The following TMEM117 variants were observed in gnomAD, a reference collection of about 807,000 sequenced individuals.
TMEM117 encodes transmembrane protein 117.
A neutral mutation model predicts 52.4 loss-of-function variants in TMEM117; 27 were observed. The observed-to-expected ratio is 0.51, with a 90% CI of 0.38 to 0.71. The LOEUF (loss-of-function observed/expected upper bound fraction) is 0.71, where lower values mean the gene tolerates loss of function less well. TMEM117 is among the 30% of genes least tolerant of loss of function. The pLI, the probability that TMEM117 is intolerant of heterozygous loss-of-function variation, is 0.00. For missense variants in TMEM117, 556 were observed against 630.5 expected (o/e 0.88, Z 1.26); for synonymous variants, 215 against 206.3 (o/e 1.04, Z -0.36).
chr12:44,286,099 TGTAAGAAA>T (rs2138608359), intron 5 of TMEM117, among the ~76,000 whole-genome samples: 1 of 152,254 alleles, frequency 6.6e-6, no homozygotes, highest in Admixed American at 6.5e-5. Flanking sequence ...TTTATTTTTC[TGTAAGAAA>T]CTGATACATT....
At chr12:44,351,875 G>A (rs1951566733) in intron 6 of TMEM117, among the ~76,000 whole-genome samples, 1 of 151,768 alleles carries the variant, frequency 6.6e-6, no homozygotes, top group Non-Finnish European at 1.5e-5. Flanking sequence ...AAACTGAAAT[G>A]CTTCCGGGAT....
rs142493484 is a variant in TMEM117, at chr12:43,840,733, A to G, written c.-28-3891A>G. On this transcript the variant is annotated intron_variant, in intron 1 of 7. Coordinates refer to ENST00000266534, the MANE Select transcript of TMEM117 (RefSeq NM_032256.3). ...AGGGAGACAAACACATACATAGATA[A>G]TTTCACTATAGTGAGCCAGGAGCTA... Among the ~76,000 whole-genome samples, 14 of 152,310 alleles carry G rather than the reference A, an allele frequency of 9.2e-5. No homozygotes were observed. The East Asian group carries it at 2.7e-3, about 29-fold the overall frequency.
intron 5 of TMEM117, among the ~76,000 whole-genome samples, chr12:44,240,177 A>G (rs1950044269): frequency 6.6e-6 from 1 of 152,140 alleles, no homozygotes; most frequent in Non-Finnish European, 1.5e-5. Context: ...TGCATGATTT[A>G]TAGATTCCCA....
chr12:43,827,785 T>G, the TMEM117 span, among the ~76,000 whole-genome samples: 2 of 152,150 alleles, frequency 1.3e-5, no homozygotes, highest in East Asian at 3.9e-4. Flanking sequence ...GTGATCTTAT[T>G]TGGAAATAGA....
chr12:44,033,042 C>A (rs1165234188), intron 3 of TMEM117, among the ~76,000 whole-genome samples: 2 of 152,058 alleles, frequency 1.3e-5, no homozygotes, highest in Non-Finnish European at 2.9e-5. Context: ...AAGGTTGGCA[C>A]AAAATACAGG....
At chr12:44,312,308 A>T (rs1470915296) in intron 6 of TMEM117, among the ~76,000 whole-genome samples, 1 of 151,870 alleles carries the variant, frequency 6.6e-6, no homozygotes, top group Non-Finnish European at 1.5e-5. Context: ...TGCCATCTTT[A>T]TGTTCATATG....
intron 1 of TMEM117, among the ~76,000 whole-genome samples, chr12:43,843,786 C>G (rs1424426722): frequency 6.6e-6 from 1 of 152,200 alleles, no homozygotes; most frequent in South Asian, 2.1e-4. Context: ...GGCTACTACT[C>G]TACTGTAGAC....
In TMEM117 at chr12:44,044,744, G is replaced by A. The variant is rs182895771; in HGVS notation, c.411-98781G>A. On this transcript the variant is annotated intron_variant, in intron 3 of 7. Coordinates refer to ENST00000266534, the MANE Select transcript of TMEM117 (RefSeq NM_032256.3). ...GAAAGTGGACAGCTGCAGCACTACA[G>A]CCCCTTTCTAGGACGTCCCTGAAGG... is the stretch of plus-strand genomic sequence containing the variant. 3.4e-4 allele frequency among the ~76,000 whole-genome samples: 52 copies of A among 152,318 alleles called. 2 individuals are homozygous for A. The highest frequency in any genetic ancestry group is 1.2e-3 in the African/African-American group (48 of 41,580).
chr12:44,197,223 G>T (rs1217584702), intron 4 of TMEM117, among the ~76,000 whole-genome samples: 1 of 151,956 alleles, frequency 6.6e-6, no homozygotes, highest in Non-Finnish European at 1.5e-5. Flanking sequence ...TGTTCCAAGG[G>T]CTCCTTTGTG....
intron 2 of TMEM117, among the ~76,000 whole-genome samples, chr12:43,859,379 C>T (rs999031309): frequency 1.6e-4 from 25 of 152,230 alleles, no homozygotes; most frequent in African/African-American, 5.8e-4. Context: ...AACTTCAGTG[C>T]AAATTGTGAA....
intron 2 of TMEM117, among the ~76,000 whole-genome samples, chr12:43,927,038 T>C (rs1257061521): frequency 6.6e-6 from 1 of 152,062 alleles, no homozygotes; most frequent in Non-Finnish European, 1.5e-5. Context: ...CCTTTTATAA[T>C]CTAAACAATT....
chr12:44,052,941 G>C (rs992237548), intron 3 of TMEM117, among the ~76,000 whole-genome samples: 2 of 152,050 alleles, frequency 1.3e-5, no homozygotes, highest in African/African-American at 4.8e-5. Flanking sequence ...GGAATACCAC[G>C]AACTGTTATA....
chr12:44,081,797 G>T (rs747153979), intron 3 of TMEM117, among the ~76,000 whole-genome samples: 9 of 152,010 alleles, frequency 5.9e-5, no homozygotes, highest in Non-Finnish European at 1.2e-4. Context: ...TGGAAGCCTT[G>T]TAAATTAGAA....
In TMEM117 at chr12:44,094,187, A is replaced by T. The variant is rs201310552; in HGVS notation, c.411-49338A>T. On this transcript the variant is annotated intron_variant, in intron 3 of 7. Transcript: ENST00000266534. ...CAATTTAAAGGGCTGAAGAAAGGGA[A>T]GAGAATTTTGAACCATTCACTATGC... is the stretch of plus-strand genomic sequence containing the variant. 1.8e-3 allele frequency among the ~76,000 whole-genome samples: 276 copies of T among 152,308 alleles called. 10 individuals carry two copies. In the East Asian group the frequency reaches 0.049, roughly 27 times the overall value.
chr12:44,299,228 T>C (rs1950806965), intron 5 of TMEM117, among the ~76,000 whole-genome samples: 2 of 151,792 alleles, frequency 1.3e-5, no homozygotes. Context: ...CCTCCCAGGT[T>C]CAAGTGATTC....
intron 5 of TMEM117, among the ~76,000 whole-genome samples, chr12:44,256,951 C>G (rs1046419640): frequency 6.6e-6 from 1 of 151,378 alleles, no homozygotes; most frequent in Non-Finnish European, 1.5e-5. Flanking sequence ...ACTGCCTTCT[C>G]TTTTCCTGGT....
intron 4 of TMEM117, among the ~76,000 whole-genome samples, chr12:44,147,308 G>A (rs900488420): frequency 6.6e-6 from 1 of 152,120 alleles, no homozygotes; most frequent in Non-Finnish European, 1.5e-5. Context: ...TAAGTCAGAA[G>A]CTGGAGGAGA....
At chr12:44,200,077 C>G (rs767338395) in intron 4 of TMEM117, among the ~76,000 whole-genome samples, 11 of 152,152 alleles carry the variant, frequency 7.2e-5, no homozygotes, top group Middle Eastern at 3.2e-3. Flanking sequence ...CGAGATCGTG[C>G]CACTGCACTC....
intron 6 of TMEM117, among the ~76,000 whole-genome samples, chr12:44,305,441 TAAAC>T (rs1219831759): frequency 1.3e-5 from 2 of 149,758 alleles, no homozygotes; most frequent in East Asian, 3.9e-4. Flanking sequence ...AAAAGATACT[TAAAC>T]AACTCAACAA....
Sources: allele counts gnomAD v4.1 joint callset (sites outside exome capture counted in the v4.1 genomes callset), GRCh38; gene constraint gnomAD v4.1.1; transcripts MANE v1.5; gene names NCBI Gene and HGNC (gene_info 2026-07-23, HGNC 2026-07-21).